Variants in SPAG16 observed in about 807,000 individuals in gnomAD.
The protein encoded by SPAG16 is sperm associated antigen 16, also known as sperm-associated antigen 16 protein.
SPAG16 carries 86 observed loss-of-function variants against 80.4 expected under a neutral mutation model. The ratio of observed to expected loss-of-function variants is 1.07; its 90% CI spans 0.90 to 1.28. The LOEUF (loss-of-function observed/expected upper bound fraction) is 1.28. SPAG16 is among the 50% of genes most tolerant of loss of function. The probability of loss-of-function intolerance (pLI) is 0.00; values close to 1 mark genes in which losing one functional copy is unlikely to be tolerated. For synonymous variants in SPAG16, 294 were observed against 265.9 expected, an observed-to-expected ratio of 1.11 and a Z score of -1.03; for missense variants, 870 against 765.3, an observed-to-expected ratio of 1.14 and a Z score of -1.61.
Position 213,585,003 on chromosome 2 carries a change from A to G in SPAG16, c.1070+94913A>G, listed in dbSNP as rs549935068. ...TAGGAGTTCAAGATCAGCCTGGCCA[A>G]CATGGCGAAACCCCATCTCTACTAA... is the stretch of plus-strand genomic sequence containing the variant. On this transcript the variant is annotated intron_variant, in intron 10 of 15. Transcript: ENST00000331683. Among the ~76,000 whole-genome samples the G allele has an allele frequency of 4.0e-5, 6 of 151,494 alleles. No individual in the cohort carries two copies. The East Asian group carries it at 1.2e-3, about 30-fold the overall frequency.
At chr2:213,584,062 C>T (rs1288667091) in intron 10 of SPAG16, among the ~76,000 whole-genome samples, 2 of 152,160 alleles carry the variant, frequency 1.3e-5, no homozygotes, top group Non-Finnish European at 2.9e-5. Context: ...ATCTTTGAAA[C>T]TAGGAGTTAT....
intron 13 of SPAG16, among the ~76,000 whole-genome samples, chr2:214,056,609 T>C (rs1369040258): frequency 1.3e-5 from 2 of 152,190 alleles, no homozygotes; most frequent in African/African-American, 4.8e-5. Context: ...GCCTTGATGT[T>C]GATGACTGCT....
chr2:214,031,237 A>C (rs890022992), intron 13 of SPAG16, among the ~76,000 whole-genome samples: 5 of 151,802 alleles, frequency 3.3e-5, no homozygotes, highest in Admixed American at 6.6e-5. Flanking sequence ...GCACATATGC[A>C]CCATGGAATA....
At position 213,618,566 on chromosome 2, in the gene SPAG16, A is replaced by G. The variant is rs61648543; in HGVS notation, c.1070+128476A>G. ...TAAATCCAAAGCTATCATAATGCCA[A>G]TCTCTTTAACAGGGGCACAGAAGGC... On this transcript the variant is annotated intron_variant, in intron 10 of 15. Coordinates refer to ENST00000331683, the MANE Select transcript of SPAG16 (RefSeq NM_024532.5). 2.6e-3 allele frequency among the ~76,000 whole-genome samples: 392 copies of G among 152,314 alleles called. 4 individuals carry two copies. The highest frequency in any genetic ancestry group is 8.6e-3 in the African/African-American group (358 of 41,574).
chr2:214,017,990 AT>A (rs891393083), intron 13 of SPAG16, among the ~76,000 whole-genome samples: 24 of 152,278 alleles, frequency 1.6e-4, no homozygotes, highest in African/African-American at 5.3e-4. Context: ...AATAAAGTTC[AT>A]TTAATGGGTT....
intron 11 of SPAG16, among the ~76,000 whole-genome samples, chr2:213,887,509 G>A (rs765115992): frequency 2.0e-5 from 3 of 151,816 alleles, no homozygotes; most frequent in Admixed American, 1.3e-4. Context: ...ATCCTATCAG[G>A]TGATGAAACA....
chr2:214,367,135 T>C, intron 15 of SPAG16, among the ~76,000 whole-genome samples: 1 of 152,082 alleles, frequency 6.6e-6, no homozygotes, highest in East Asian at 1.9e-4. Flanking sequence ...AAATGCCATA[T>C]CAAGGAATTG....
At chr2:214,082,132 T>C (rs908152906) in intron 13 of SPAG16, among the ~76,000 whole-genome samples, 1 of 152,180 alleles carries the variant, frequency 6.6e-6, no homozygotes, top group Non-Finnish European at 1.5e-5. Context: ...TGGATACCTC[T>C]GCCATGTCCT....
chr2:213,865,933 A>G (rs895959607), intron 11 of SPAG16, among the ~76,000 whole-genome samples: 2 of 145,704 alleles, frequency 1.4e-5, no homozygotes, highest in African/African-American at 2.6e-5. Context: ...TTATATATAT[A>G]TACTATATAT....
At chr2:213,457,689 C>T (rs1355144314) in intron 9 of SPAG16, among the ~76,000 whole-genome samples, 1 of 152,094 alleles carries the variant, frequency 6.6e-6, no homozygotes, top group Non-Finnish European at 1.5e-5. Context: ...TTTGCTTTCA[C>T]TATTTTTAAT....
At chr2:214,124,071 G>A (rs1226886593) in intron 14 of SPAG16, among the ~76,000 whole-genome samples, 2 of 151,808 alleles carry the variant, frequency 1.3e-5, no homozygotes, top group Non-Finnish European at 1.5e-5. Flanking sequence ...CATTGACTAG[G>A]AAGTGTCAGA....
At chr2:213,476,522 AG>A in intron 9 of SPAG16, among the ~76,000 whole-genome samples, 1 of 152,238 alleles carries the variant, frequency 6.6e-6, no homozygotes. Context: ...TGGCTGACAA[AG>A]GCCCAGTGTT....
In SPAG16 at chr2:213,414,379, TAG is replaced by T. The variant is rs2069141370; in HGVS notation, c.942+39262_942+39263del. On this transcript the variant is annotated intron_variant, in intron 9 of 15. Transcript: ENST00000331683. ...TTTTAAGATTAGTTCCTTAATTAAT[TAG>T]ACATTTTTTACTGTAGAATATTTAT... Among the ~76,000 whole-genome samples the T allele has an allele frequency of 4.6e-5, 7 of 152,308 alleles. No homozygotes were observed. The South Asian group carries it at 1.4e-3, about 32-fold the overall frequency.
chr2:213,597,436 C>A (rs888575822), intron 10 of SPAG16, among the ~76,000 whole-genome samples: 2 of 152,068 alleles, frequency 1.3e-5, no homozygotes, highest in Admixed American at 1.3e-4. Flanking sequence ...CTACAAACAA[C>A]AACATTTCAA....
Position 213,926,971 on chromosome 2 carries a change from C to T in SPAG16, c.1215-2989C>T, listed in dbSNP as rs2078508006. Among the ~76,000 whole-genome samples the T allele has an allele frequency of 2.0e-5, 3 of 152,174 alleles. No individual in the cohort carries two copies. In the South Asian group the frequency reaches 6.2e-4, roughly 31 times the overall value. On this transcript the variant is annotated intron_variant, in intron 11 of 15. Coordinates refer to ENST00000331683, the MANE Select transcript of SPAG16 (RefSeq NM_024532.5). ...TAACAAAATAACAGAGACTGGGTAGCTCAAATAACAGAAATTAATTTCTCA... is the reference window on the plus strand; with the variant it reads ...TAACAAAATAACAGAGACTGGGTAGTTCAAATAACAGAAATTAATTTCTCA...
At chr2:214,177,330 A>G (rs984022076) in intron 15 of SPAG16, among the ~76,000 whole-genome samples, 2 of 151,100 alleles carry the variant, frequency 1.3e-5, no homozygotes, top group African/African-American at 4.8e-5. Context: ...TTCAAAATCT[A>G]ACCCTTTAGA....
In SPAG16 at chr2:213,490,674, A is replaced by T. The variant is rs141840570; in HGVS notation, c.1070+584A>T. 2.9e-4 allele frequency among the ~76,000 whole-genome samples: 44 copies of T among 152,298 alleles called. No homozygotes were observed. In the East Asian group the frequency reaches 6.5e-3, roughly 23 times the overall value. On this transcript the variant is annotated intron_variant, in intron 10 of 15. Transcript: ENST00000331683. ...TAGAAAATATGCATATATAAACCTT[A>T]TAATTCCATGGTACATTTACATTTC...
chr2:214,233,167 A>G (rs183744092), intron 15 of SPAG16, among the ~76,000 whole-genome samples: 84 of 152,160 alleles, frequency 5.5e-4, no homozygotes, highest in African/African-American at 1.7e-3. Context: ...GTTTGCCTCC[A>G]GGAGGGAGAA....
intron 10 of SPAG16, among the ~76,000 whole-genome samples, chr2:213,826,627 T>C (rs373146346): frequency 2.1e-4 from 32 of 152,144 alleles, no homozygotes; most frequent in African/African-American, 7.7e-4. Flanking sequence ...TTTCAACTTT[T>C]TGAATGTCTT....
Sources: gnomAD v4.1 joint callset for allele counts (sites outside exome capture counted in the v4.1 genomes callset) on GRCh38, gnomAD v4.1.1 for gene constraint, MANE v1.5 for transcripts, NCBI Gene and HGNC (gene_info 2026-07-23, HGNC 2026-07-21) for gene names.